The following ELAC1 variants were observed in gnomAD, a reference collection of about 807,000 sequenced individuals.
ELAC1 encodes the protein zinc phosphodiesterase ELAC protein 1.
Under a neutral mutation model 25.8 loss-of-function variants are expected in ELAC1, and 19 were observed. The observed-to-expected ratio is 0.74, with a 90% CI of 0.51 to 1.08. The LOEUF (loss-of-function observed/expected upper bound fraction) is 1.08, where lower values mean the gene tolerates loss of function less well. ELAC1 is among the 50% of genes least tolerant of loss of function. ELAC1 has a pLI of 0.00. For synonymous variants in ELAC1, 148 were observed against 160.9 expected, an observed-to-expected ratio of 0.92 and a Z score of 0.61; for missense variants, 403 against 434.6, an observed-to-expected ratio of 0.93 and a Z score of 0.65.
intron 2 of ELAC1, among the ~76,000 whole-genome samples, chr18:50,978,615 TG>T (rs1907857910): frequency 6.6e-6 from 1 of 152,092 alleles, no homozygotes; most frequent in Admixed American, 6.5e-5. Flanking sequence ...AGATGAGATT[TG>T]GGTGGGGACA....
intron 1 of ELAC1, chr18:50,968,735 T>C (rs1037799708): frequency 3.3e-5 from 5 of 152,248 alleles, no homozygotes; most frequent in African/African-American, 9.7e-5. Flanking sequence ...TTGTTTTTTT[T>C]CCAAGAAGAC....
rs776308159 is a variant in ELAC1, at chr18:50,974,413, G to A, written c.9G>A (p.Met3Ile). The change falls in exon 2 of 4, where the codon ATG becomes ATA. Residue 3 changes from methionine (M) to isoleucine (I), a missense_variant. Coordinates refer to ENST00000269466, the MANE Select transcript of ELAC1 (RefSeq NM_018696.3). MSMDVTFLGTGAA... is the reference protein window; with the variant it reads MSIDVTFLGTGAA... ...CTGTTGCAGGGTGGAAGATGTCTAT[G>A]GATGTGACATTCCTGGGGACGGGTG... 6.5e-7 allele frequency: 1 copy of A among 1,541,728 alleles called. No homozygotes were observed. The highest frequency in any genetic ancestry group is 1.3e-5 in the South Asian group (1 of 78,454).
chr18:50,975,371 C>T (rs531290086), intron 2 of ELAC1, among the ~76,000 whole-genome samples: 30 of 152,028 alleles, frequency 2.0e-4, no homozygotes, highest in African/African-American at 7.0e-4. Context: ...TAAGTAGTTC[C>T]TCTCTCACCC....
chr18:50,976,125 T>C (rs1186975257), intron 2 of ELAC1, among the ~76,000 whole-genome samples: 2 of 152,178 alleles, frequency 1.3e-5, no homozygotes, highest in Admixed American at 1.3e-4. Context: ...ATATTTAGAC[T>C]TTATTGTTCT....
chr18:50,982,077 C>A (rs956308478), intron 2 of ELAC1, among the ~76,000 whole-genome samples: 17 of 152,064 alleles, frequency 1.1e-4, no homozygotes, highest in African/African-American at 2.9e-4. Context: ...AACTCCCAAC[C>A]TCAGGTGATC....
At chr18:50,970,730 T>A (rs548078101) in intron 1 of ELAC1, among the ~76,000 whole-genome samples, 2 of 150,620 alleles carry the variant, frequency 1.3e-5, no homozygotes, top group African/African-American at 4.9e-5. Flanking sequence ...TAAGTAAATA[T>A]AAATTTAAAA....
chr18:50,987,215 A>G lies in ELAC1; in HGVS notation c.*130A>G. ...ATAATCCTAAAAAGAATGGAGCTGC[A>G]TTGATGAATTGGCTCAGTATTTAAA... is the stretch of plus-strand genomic sequence containing the variant. On this transcript the variant is annotated 3_prime_UTR_variant, in exon 4 of 4. Transcript: ENST00000269466. The G allele has an allele frequency of 3.3e-6, 2 of 613,180 alleles. No homozygotes were observed. Among genetic ancestry groups the G allele is most frequent in the Non-Finnish European group, 2.5e-6 (1 of 397,090 alleles). 38.0% of individuals were successfully genotyped at this position (613,180 alleles called of 1,614,324 possible). A position where few individuals can be genotyped will look rare whatever the true frequency, so the allele number is the denominator to read the frequency against.
chr18:50,972,456 C>T (rs761154382), intron 1 of ELAC1, among the ~76,000 whole-genome samples: 4 of 151,836 alleles, frequency 2.6e-5, no homozygotes, highest in Non-Finnish European at 5.9e-5. Flanking sequence ...TATTTTTGTG[C>T]CAATATTATT....
rs1908046633 is a variant in ELAC1 at position 50,984,452 on chromosome 18, C to T, written c.514C>T (p.Gln172Ter). ...ENSYLLFDDE[Q>*]FVVKAFRLFH... Reference sequence around the variant, plus strand: ...CTCATACCTTCTGTTTGATGATGAACAATTTGTTGTAAAAGCATTTCGCCT... The same window carrying T: ...CTCATACCTTCTGTTTGATGATGAATAATTTGTTGTAAAAGCATTTCGCCT... The change falls in exon 3 of 4, where the codon CAA becomes TAA. Residue 172 changes from glutamine (Q) to a stop codon, truncating the protein, a stop_gained. Transcript: ENST00000269466. LOFTEE classifies it high-confidence loss of function. 1 of 1,613,208 alleles carries T rather than the reference C, an allele frequency of 6.2e-7. No individual in the cohort carries two copies. Among genetic ancestry groups the T allele is most frequent in the Non-Finnish European group, 8.5e-7 (1 of 1,179,512 alleles).
At chr18:50,976,190 G>A (rs891581120) in intron 2 of ELAC1, among the ~76,000 whole-genome samples, 2 of 152,170 alleles carry the variant, frequency 1.3e-5, no homozygotes, top group Non-Finnish European at 2.9e-5. Flanking sequence ...AATCTCGTTT[G>A]TGTTTTAGGA....
At chr18:50,975,700 G>A (rs905715407) in intron 2 of ELAC1, among the ~76,000 whole-genome samples, 2 of 151,994 alleles carry the variant, frequency 1.3e-5, no homozygotes, top group African/African-American at 4.8e-5. Flanking sequence ...CTGGCACTTG[G>A]TGACTAAAGG....
chr18:50,984,322 T>A lies in ELAC1; in HGVS notation c.384T>A (p.Asp128Glu), dbSNP rs752399963. 20 of 1,614,016 alleles carry A rather than the reference T, an allele frequency of 1.2e-5. No individual in the cohort carries two copies. The East Asian group carries it at 3.6e-4, about 29-fold the overall frequency. ...YVVHELVPTA[D>E]QCPAEELKEF... ...TTCATGAACTGGTTCCTACAGCAGA[T>A]CAATGTCCTGCAGAAGAACTAAAAG... The change falls in exon 3 of 4, where the codon GAT becomes GAA. Residue 128 changes from aspartate to glutamate, a missense_variant. Physicochemically the swap from Asp to Glu is conservative, Grantham distance 45 (BLOSUM62 2). Transcript: ENST00000269466.
At chr18:50,982,005 C>T (rs1292728185) in intron 2 of ELAC1, among the ~76,000 whole-genome samples, 1 of 152,070 alleles carries the variant, frequency 6.6e-6, no homozygotes, top group East Asian at 1.9e-4. Flanking sequence ...TGCCATCACA[C>T]CCAGCTAATT....
chr18:50,968,390 C>T (rs1235489687), intron 1 of ELAC1: 1 of 152,592 alleles, frequency 6.6e-6, no homozygotes, highest in Non-Finnish European at 1.5e-5. Context: ...CTGCCTGTGC[C>T]TTGGCCTCTT....
intron 2 of ELAC1, among the ~76,000 whole-genome samples, chr18:50,976,185 C>T (rs1279539073): frequency 6.6e-6 from 1 of 152,058 alleles, no homozygotes; most frequent in Non-Finnish European, 1.5e-5. Flanking sequence ...AATGCAATCT[C>T]GTTTGTGTTT....
chr18:50,987,127 G>A lies in ELAC1; in HGVS notation c.*42G>A. ...TGCACACTGACATGTCTGTGAATAT[G>A]TTACTGAACCTATAGTCCAGTTTTT... On this transcript the variant is annotated 3_prime_UTR_variant, in exon 4 of 4. Transcript: ENST00000269466. The A allele has an allele frequency of 2.9e-6, 4 of 1,373,590 alleles. No individual in the cohort carries two copies. Among genetic ancestry groups the A allele is most frequent in the East Asian group, 2.3e-5 (1 of 43,140 alleles). 85.1% of individuals were successfully genotyped at this position (1,373,590 alleles called of 1,614,324 possible). A position where few individuals can be genotyped will look rare whatever the true frequency, so the allele number is the denominator to read the frequency against.
chr18:50,970,411 G>C (rs1206164235), intron 1 of ELAC1, among the ~76,000 whole-genome samples: 2 of 152,174 alleles, frequency 1.3e-5, no homozygotes, highest in Admixed American at 6.5e-5. Flanking sequence ...TTAACTTTCT[G>C]CATTCTGTTT....
chr18:50,970,327 T>A (rs1213882251), intron 1 of ELAC1, among the ~76,000 whole-genome samples: 2 of 152,238 alleles, frequency 1.3e-5, no homozygotes, highest in Admixed American at 1.3e-4. Context: ...CTGATCTAAA[T>A]CCATTATTTG....
intron 2 of ELAC1, among the ~76,000 whole-genome samples, chr18:50,977,829 A>C (rs1907835559): frequency 6.6e-6 from 1 of 152,230 alleles, no homozygotes; most frequent in Non-Finnish European, 1.5e-5. Flanking sequence ...TTGTGAATAC[A>C]TAAAAGTGAA....
Sources: allele counts gnomAD v4.1 joint callset (sites outside exome capture counted in the v4.1 genomes callset), GRCh38; gene constraint gnomAD v4.1.1; transcripts MANE v1.5; gene names NCBI Gene and HGNC (gene_info 2026-07-23, HGNC 2026-07-21).